Variants in ADGRL2 observed in about 807,000 individuals in gnomAD.
ADGRL2 encodes the protein calcium-independent alpha-latrotoxin receptor 2.
A neutral mutation model predicts 157.4 loss-of-function variants in ADGRL2; 44 were observed. The observed-to-expected ratio is 0.28, with a 90% CI of 0.22 to 0.36. The LOEUF (loss-of-function observed/expected upper bound fraction) is 0.36, where lower values mean the gene tolerates loss of function less well. Among genes scored for constraint, ADGRL2 ranks in the 10% least tolerant of loss-of-function variants. ADGRL2 has a pLI of 1.00. For missense variants in ADGRL2, 1,510 were observed against 1,768.9 expected (o/e 0.85, Z 2.63); for synonymous variants, 585 against 624.7 (o/e 0.94, Z 0.95).
At chr1:81,707,214 C>T (rs758712761) in intron 1 of ADGRL2, among the ~76,000 whole-genome samples, 6 of 152,040 alleles carry the variant, frequency 3.9e-5, no homozygotes, top group Non-Finnish European at 8.8e-5. Flanking sequence ...AGAAAAATTA[C>T]AGTGTACAAT....
At chr1:81,877,667 A>G (rs1192620118) in intron 2 of ADGRL2, among the ~76,000 whole-genome samples, 2 of 149,466 alleles carry the variant, frequency 1.3e-5, no homozygotes, top group South Asian at 4.3e-4. Flanking sequence ...TTTTTTGGGG[A>G]GGGGGGAGGT....
At chr1:81,636,992 C>T (rs551650795) in intron 3 of ADGRL2, among the ~76,000 whole-genome samples, 4 of 152,252 alleles carry the variant, frequency 2.6e-5, no homozygotes, top group African/African-American at 7.2e-5. Context: ...CATGCCACCA[C>T]ATCTGGCTAA....
intron 2 of ADGRL2, among the ~76,000 whole-genome samples, chr1:81,450,875 C>T (rs1371471179): frequency 6.6e-6 from 1 of 151,986 alleles, no homozygotes; most frequent in Non-Finnish European, 1.5e-5. Context: ...TAGAGTCCCC[C>T]CAAAGTAAAA....
chr1:81,737,327 A>G (rs1045233931), intron 1 of ADGRL2, among the ~76,000 whole-genome samples: 1 of 152,214 alleles, frequency 6.6e-6, no homozygotes, highest in South Asian at 2.1e-4. Flanking sequence ...CAGAAGGGTG[A>G]AGAGGAAGCA....
chr1:81,502,948 A>G, intron 2 of ADGRL2: 1 of 1,612,618 alleles, frequency 6.2e-7, no homozygotes, highest in East Asian at 2.2e-5. Flanking sequence ...CACTCTCAGG[A>G]AAGGTGATGG....
intron 1 of ADGRL2, among the ~76,000 whole-genome samples, chr1:81,312,491 C>T (rs1659824252): frequency 1.3e-5 from 2 of 152,160 alleles, no homozygotes; most frequent in African/African-American, 4.8e-5. Context: ...CTTCTGGGTG[C>T]CAGGGCCCAG....
intron 1 of ADGRL2, among the ~76,000 whole-genome samples, chr1:81,313,108 G>T (rs1276030170): frequency 6.6e-6 from 1 of 152,102 alleles, no homozygotes; most frequent in Admixed American, 6.5e-5. Flanking sequence ...TCCTCATTTT[G>T]TTTTCTGTTC....
intron 1 of ADGRL2, among the ~76,000 whole-genome samples, chr1:81,830,233 G>A (rs2091846585): frequency 6.6e-6 from 1 of 152,066 alleles, no homozygotes. Context: ...AAAAATTAAT[G>A]AATAACACTC....
intron 1 of ADGRL2, among the ~76,000 whole-genome samples, chr1:81,375,370 G>A (rs57841569): frequency 0.015 from 2,345 of 152,280 alleles, 61 homozygotes; most frequent in African/African-American, 0.053. Flanking sequence ...ATGAAGGGCC[G>A]TGAAGTTCAT....
intron 1 of ADGRL2, among the ~76,000 whole-genome samples, chr1:81,747,059 CACAT>C: frequency 2.8e-5 from 4 of 144,516 alleles, no homozygotes; most frequent in Non-Finnish European, 6.0e-5. Context: ...TACGTATATA[CACAT>C]GTGTATATAT....
chr1:81,384,097 T>C (rs1417164031), intron 1 of ADGRL2, among the ~76,000 whole-genome samples: 2 of 152,180 alleles, frequency 1.3e-5, no homozygotes, highest in Non-Finnish European at 2.9e-5. Flanking sequence ...TGCTTTTCTG[T>C]AGATGTGCAA....
rs190666362 is a variant in ADGRL2, at chr1:81,560,726, G to A, written c.-247-20150G>A. Among the ~76,000 whole-genome samples, 3 of 152,278 alleles carry A rather than the reference G, an allele frequency of 2.0e-5. No homozygotes were observed. In the East Asian group the frequency reaches 5.8e-4, roughly 29 times the overall value. On this transcript the variant is annotated intron_variant, in intron 2 of 24. Transcript: ENST00000370721. The stretch of plus-strand genomic sequence containing the variant: ...AGGAAGAGAAAGAAATGGAGGAGGA[G>A]GGGGAGCGGGCCGCAGAAGAGGCAA...
At chr1:81,890,592 GA>G (rs1196710752) in intron 2 of ADGRL2, among the ~76,000 whole-genome samples, 1 of 152,024 alleles carries the variant, frequency 6.6e-6, no homozygotes, top group Non-Finnish European at 1.5e-5. Context: ...TGGGGATTAG[GA>G]AAAATGTATG....
chr1:81,910,275 ACT>A, intron 3 of ADGRL2, among the ~76,000 whole-genome samples: 1 of 149,986 alleles, frequency 6.7e-6, no homozygotes, highest in African/African-American at 2.4e-5. Context: ...TAATAATAAT[ACT>A]ACAATTGAGA....
At chr1:81,721,773 T>C (rs1416652032) in intron 1 of ADGRL2, 19 of 1,385,720 alleles carry the variant, frequency 1.4e-5, no homozygotes, top group African/African-American at 2.8e-5. Flanking sequence ...ACCGAGGAAA[T>C]GTGCTTCCTG....
At chr1:81,677,060 C>T (rs1358464669) in intron 3 of ADGRL2, among the ~76,000 whole-genome samples, 3 of 150,956 alleles carry the variant, frequency 2.0e-5, no homozygotes, top group African/African-American at 7.3e-5. Flanking sequence ...GATCTCGGCT[C>T]ATCGCAACTC....
chr1:81,715,049 C>T (rs2084064398), intron 1 of ADGRL2, among the ~76,000 whole-genome samples: 1 of 151,792 alleles, frequency 6.6e-6, no homozygotes, highest in Non-Finnish European at 1.5e-5. Flanking sequence ...CTTTTTTACT[C>T]CTCAGTAGAT....
At chr1:81,775,069 T>C (rs1036661215) in intron 2 of ADGRL2, among the ~76,000 whole-genome samples, 1 of 152,154 alleles carries the variant, frequency 6.6e-6, no homozygotes, top group African/African-American at 2.4e-5. Flanking sequence ...TTCATATCGA[T>C]ATAAATTGTG....
intron 1 of ADGRL2, among the ~76,000 whole-genome samples, chr1:81,373,693 A>C (rs1483113562): frequency 6.6e-6 from 1 of 152,194 alleles, no homozygotes; most frequent in Non-Finnish European, 1.5e-5. Flanking sequence ...ATGAATATAC[A>C]GAAGTCAGCC....
Sources: allele counts gnomAD v4.1 joint callset (sites outside exome capture counted in the v4.1 genomes callset), GRCh38; gene constraint gnomAD v4.1.1; transcripts MANE v1.5; gene names NCBI Gene and HGNC (gene_info 2026-07-23, HGNC 2026-07-21).